Variants in PGM5 observed in about 807,000 individuals in gnomAD.
The protein encoded by PGM5 is phosphoglucomutase-like protein 5.
In PGM5, 23 loss-of-function variants were observed where a neutral mutation model predicts 59.2. That is an observed-to-expected ratio of 0.39 (90% confidence interval 0.28 to 0.55). The LOEUF (loss-of-function observed/expected upper bound fraction) is 0.55. PGM5 is among the 20% of genes least tolerant of loss of function. The pLI is 0.66. For missense variants in PGM5, 574 were observed against 748.3 expected (o/e 0.77, Z 2.72); for synonymous variants, 214 against 286.0 (o/e 0.75, Z 2.54).
intron 6 of PGM5, among the ~76,000 whole-genome samples, chr9:68,410,888 G>A (rs1358545711): frequency 5.9e-5 from 9 of 152,210 alleles, no homozygotes; most frequent in African/African-American, 1.9e-4. Context: ...CAGCAGAGGT[G>A]GGTAATTCAT....
rs1216963882 is a variant in PGM5, at chr9:68,479,940, AAGG to A, written c.1295+391_1295+393del. ...TCCGTCTCAAAAAAAAAAAAAAAAA[AAGG>A]AGGCATCTTCCCAGAAGATCTGAGG... On this transcript the variant is annotated intron_variant, in intron 8 of 10. Transcript: ENST00000396396. Among the ~76,000 whole-genome samples, 230 of 151,842 alleles carry A rather than the reference AAGG, an allele frequency of 1.5e-3. 1 individual carries two copies. Among genetic ancestry groups the A allele is most frequent in the Non-Finnish European group, 2.2e-3 (150 of 67,912 alleles).
At chr9:68,438,034 T>G (rs1587810023) in intron 6 of PGM5, among the ~76,000 whole-genome samples, 1 of 152,122 alleles carries the variant, frequency 6.6e-6, no homozygotes, top group African/African-American at 2.4e-5. Flanking sequence ...ATGCCTGTAA[T>G]CCCAGCACTG....
intron 10 of PGM5, among the ~76,000 whole-genome samples, chr9:68,506,050 G>A (rs1377436596): frequency 7.9e-5 from 12 of 152,108 alleles, no homozygotes; most frequent in Admixed American, 7.9e-4. Context: ...CAGAAATTGA[G>A]GACAAACACC....
At chr9:68,403,935 AC>A (rs1822739662) in intron 6 of PGM5, among the ~76,000 whole-genome samples, 1 of 152,220 alleles carries the variant, frequency 6.6e-6, no homozygotes, top group African/African-American at 2.4e-5. Flanking sequence ...CCTGGCTTTA[AC>A]TTAAGACTTC....
At chr9:68,492,049 T>A (rs1554687906) in intron 9 of PGM5, among the ~76,000 whole-genome samples, 1 of 152,230 alleles carries the variant, frequency 6.6e-6, no homozygotes, top group Non-Finnish European at 1.5e-5. Context: ...CATTATCGAA[T>A]GACAACACAG....
intron 10 of PGM5, among the ~76,000 whole-genome samples, chr9:68,512,738 T>C (rs1554689476): frequency 6.6e-6 from 1 of 152,234 alleles, no homozygotes; most frequent in African/African-American, 2.4e-5. Context: ...TCTGAGGTAT[T>C]GGCAATTAGG....
chr9:68,527,650 C>A (rs1042020473), intron 10 of PGM5, among the ~76,000 whole-genome samples: 1 of 151,760 alleles, frequency 6.6e-6, no homozygotes, highest in Non-Finnish European at 1.5e-5. Flanking sequence ...TCTGTTTTTA[C>A]GAATCAAGAT....
chr9:68,522,307 A>G (rs549386822), intron 10 of PGM5, among the ~76,000 whole-genome samples: 1 of 152,258 alleles, frequency 6.6e-6, no homozygotes, highest in East Asian at 1.9e-4. Flanking sequence ...CAAGCTCCGG[A>G]TGGTGGGGCA....
chr9:68,472,783 C>T (rs782443968), intron 7 of PGM5, among the ~76,000 whole-genome samples: 6 of 152,186 alleles, frequency 3.9e-5, no homozygotes, highest in African/African-American at 7.2e-5. Flanking sequence ...GGATATCAGC[C>T]TTGTGTGAAA....
intron 7 of PGM5, among the ~76,000 whole-genome samples, chr9:68,473,885 C>A (rs895142022): frequency 2.0e-5 from 3 of 151,930 alleles, no homozygotes; most frequent in Non-Finnish European, 4.4e-5. Context: ...CCAGTGAGAA[C>A]CCCCCCATGT....
chr9:68,434,590 C>T (rs990525176), intron 6 of PGM5, among the ~76,000 whole-genome samples: 14 of 151,300 alleles, frequency 9.3e-5, no homozygotes, highest in South Asian at 2.1e-4. Context: ...GTGGATCACC[C>T]GAGGTCAGGA....
At chr9:68,426,931 A>AGCAT (rs1554682740) in intron 6 of PGM5, 2 of 152,224 alleles carry the variant, frequency 1.3e-5, no homozygotes, top group Non-Finnish European at 1.5e-5. Context: ...TTGGCATCCT[A>AGCAT]GCATGGCCTG....
At chr9:68,385,154 A>G (rs1299238357) in intron 3 of PGM5, among the ~76,000 whole-genome samples, 3 of 151,868 alleles carry the variant, frequency 2.0e-5, no homozygotes, top group Non-Finnish European at 4.4e-5. Context: ...TAACTTCTAC[A>G]GTATTCAGAA....
In PGM5 at chr9:68,487,457, C is replaced by T. The variant is rs377603710; in HGVS notation, c.1479+3409C>T. ...TCTCTCTCTCTCTCTCTGTGTCACA[C>T]GCACATACACACACACACACACACA... is the stretch of plus-strand genomic sequence containing the variant. On this transcript the variant is annotated intron_variant, in intron 9 of 10. Transcript: ENST00000396396. 1.7e-3 allele frequency among the ~76,000 whole-genome samples: 216 copies of T among 123,846 alleles called. 1 individual carries two copies. Among genetic ancestry groups the T allele is most frequent in the African/African-American group, 7.1e-3 (200 of 28,212 alleles). 81.2% of individuals were successfully genotyped at this position (123,846 alleles called of 152,430 possible). A position where few individuals can be genotyped will look rare whatever the true frequency, so the allele number is the denominator to read the frequency against.
intron 6 of PGM5, among the ~76,000 whole-genome samples, chr9:68,418,259 T>C (rs1304368801): frequency 6.6e-6 from 1 of 152,188 alleles, no homozygotes; most frequent in Non-Finnish European, 1.5e-5. Flanking sequence ...GCAAATCAAC[T>C]AGAATGTTGT....
Position 68,461,605 on chromosome 9 carries a change from T to A in PGM5, c.1044-3488T>A, listed in dbSNP as rs375912486. Among the ~76,000 whole-genome samples, 21 of 152,242 alleles carry A rather than the reference T, an allele frequency of 1.4e-4. No homozygotes were observed. The East Asian group carries it at 3.9e-3, about 28-fold the overall frequency. Reference sequence around the variant, plus strand: ...TTCCTCATTAATGGCATTAAGACCCTTATAAAAAAAGCCTTTACACAGCAT... The same window carrying A: ...TTCCTCATTAATGGCATTAAGACCCATATAAAAAAAGCCTTTACACAGCAT... On this transcript the variant is annotated intron_variant, in intron 6 of 10. Transcript: ENST00000396396.
intron 7 of PGM5, among the ~76,000 whole-genome samples, chr9:68,473,796 T>C (rs1319338302): frequency 2.6e-5 from 4 of 152,070 alleles, no homozygotes; most frequent in Non-Finnish European, 5.9e-5. Flanking sequence ...CCAGGATAAG[T>C]TGGTCACTCC....
chr9:68,444,726 C>G (rs1206664861), intron 6 of PGM5, among the ~76,000 whole-genome samples: 1 of 152,130 alleles, frequency 6.6e-6, no homozygotes, highest in Non-Finnish European at 1.5e-5. Context: ...CTCTTGTCTT[C>G]AGCAGGGGTT....
At chr9:68,419,767 A>C (rs544544327) in intron 6 of PGM5, among the ~76,000 whole-genome samples, 34 of 152,346 alleles carry the variant, frequency 2.2e-4, no homozygotes, top group African/African-American at 7.9e-4. Flanking sequence ...TTTCAGTGTA[A>C]CATCTAGGGC....
Sources: allele counts gnomAD v4.1 joint callset (sites outside exome capture counted in the v4.1 genomes callset), GRCh38; gene constraint gnomAD v4.1.1; transcripts MANE v1.5; gene names NCBI Gene and HGNC (gene_info 2026-07-23, HGNC 2026-07-21).